Variants in ZC3HAV1 observed in about 807,000 individuals in gnomAD.
ZC3HAV1 encodes the protein zinc finger CCCH-type antiviral protein 1.
Under a neutral mutation model 86.6 loss-of-function variants are expected in ZC3HAV1, and 41 were observed. The observed-to-expected ratio is 0.47, with a 90% CI of 0.37 to 0.61. ZC3HAV1 has a LOEUF of 0.61. Ranked by LOEUF, ZC3HAV1 falls within the 20% of genes least tolerant of loss-of-function variation. The pLI is 0.00. For missense variants in ZC3HAV1, 964 were observed against 1,141.1 expected, an observed-to-expected ratio of 0.84 and a Z score of 2.24; for synonymous variants, 421 against 432.1, an observed-to-expected ratio of 0.97 and a Z score of 0.32.
At chr7:139,092,951 G>A (rs190140952) in intron 1 of ZC3HAV1, among the ~76,000 whole-genome samples, 4 of 152,318 alleles carry the variant, frequency 2.6e-5, no homozygotes, top group African/African-American at 9.6e-5. Flanking sequence ...TCTCCCCAGC[G>A]GCTTCTTAGG....
chr7:139,094,405 C>T (rs1368450160), intron 1 of ZC3HAV1, among the ~76,000 whole-genome samples: 1 of 151,444 alleles, frequency 6.6e-6, no homozygotes, highest in African/African-American at 2.4e-5. Context: ...ATGAATTTCC[C>T]AGGACAAAAC....
chr7:139,075,244 G>A (rs1417424069), intron 6 of ZC3HAV1, among the ~76,000 whole-genome samples: 1 of 151,934 alleles, frequency 6.6e-6, no homozygotes, highest in African/African-American at 2.4e-5. Context: ...GCCCTCTAGT[G>A]GTAAAAATCC....
chr7:139,063,723 CA>C (rs57944873), intron 8 of ZC3HAV1, among the ~76,000 whole-genome samples: 16,489 of 73,892 alleles, frequency 0.22, 1,069 homozygotes, highest in East Asian at 0.44. Flanking sequence ...GACCCTGTCT[CA>C]AAAAAAAAAA....
intron 1 of ZC3HAV1, among the ~76,000 whole-genome samples, chr7:139,094,791 C>T (rs1166700211): frequency 3.3e-5 from 5 of 152,240 alleles, no homozygotes; most frequent in East Asian, 1.9e-4. Context: ...CATCTTACTG[C>T]GGTGGGAGCC....
rs754678448 is a variant in ZC3HAV1, at chr7:139,079,712, T to C, written c.1229A>G (p.Tyr410Cys). The C allele has an allele frequency of 6.2e-7, 1 of 1,614,170 alleles. No homozygotes were observed. The highest frequency in any genetic ancestry group is 8.5e-7 in the Non-Finnish European group (1 of 1,180,024). The change falls in exon 4 of 13, where the codon TAC becomes TGC. Residue 410 changes from tyrosine to cysteine, a missense_variant. Coordinates refer to ENST00000242351, the MANE Select transcript of ZC3HAV1 (RefSeq NM_020119.4). ...RKGTGLLSSD[Y>C]RIINGKSGTQ... is the part of the protein sequence containing the mutation. ...TCCACTTTTGCCATTGATGATCCTGTAGTCTGAGGAAAGCAAGCCTGTGCC... is the reference window on the plus strand; with the variant it reads ...TCCACTTTTGCCATTGATGATCCTGCAGTCTGAGGAAAGCAAGCCTGTGCC...
intron 7 of ZC3HAV1, among the ~76,000 whole-genome samples, chr7:139,073,061 C>T (rs1311561702): frequency 2.6e-5 from 4 of 152,074 alleles, no homozygotes; most frequent in African/African-American, 7.2e-5. Context: ...TTTGGGAGGC[C>T]GAGGTGGGCG....
intron 2 of ZC3HAV1, among the ~76,000 whole-genome samples, chr7:139,089,101 CAAAAAAAAA>C (rs1195760878): frequency 4.8e-5 from 1 of 20,684 alleles, no homozygotes; most frequent in Non-Finnish European, 9.2e-5. Context: ...GACTCCATCT[CAAAAAAAAA>C]AAAAAAAAAA....
At position 139,047,847 on chromosome 7, in the gene ZC3HAV1, T is replaced by C. The variant is rs1454952793; in HGVS notation, c.2456A>G (p.Tyr819Cys). 1.9e-6 allele frequency: 3 copies of C among 1,609,580 alleles called. No homozygotes were observed. The highest frequency in any genetic ancestry group is 1.3e-5 in the African/African-American group (1 of 74,444). Reference protein sequence around the residue: ...THENKYGKGIYFAKDAIYSHK... With the variant: ...THENKYGKGICFAKDAIYSHK... ...GGAATAGATGGCATCTTTTGCAAAGTAAATTCCTAGAAAGAATCAGAAAGA... is the reference window on the plus strand; with the variant it reads ...GGAATAGATGGCATCTTTTGCAAAGCAAATTCCTAGAAAGAATCAGAAAGA... Residue 819 changes from tyrosine (Y) to cysteine (C), a missense_variant, in exon 13 of 13, where the codon TAC (tyrosine) becomes TGC (cysteine). Tyr to Cys is a radical substitution (Grantham distance 194). Coordinates refer to ENST00000242351, the MANE Select transcript of ZC3HAV1 (RefSeq NM_020119.4).
intron 1 of ZC3HAV1, among the ~76,000 whole-genome samples, chr7:139,098,413 G>A (rs1387580234): frequency 6.6e-6 from 1 of 152,136 alleles, no homozygotes; most frequent in African/African-American, 2.4e-5. Flanking sequence ...AACATTCTCT[G>A]CTGATAGGCA....
rs763133395 is a variant in ZC3HAV1, at chr7:139,073,932, G to T, written c.1796C>A (p.Ala599Asp). The part of the protein sequence containing the change: ...LSTPSSVTKP[A>D]NSVFTTKWIW... ...CCATTTGGTGGTGAAGACAGAATTG[G>T]CTGGCTTGGTGACAGAAGAAGGAGT... Residue 599 changes from alanine to aspartate, a missense_variant, in exon 7 of 13, where the codon GCC becomes GAC. Physicochemically the swap from Ala to Asp is moderately radical, Grantham distance 126. Transcript: ENST00000242351. The T allele has an allele frequency of 1.2e-6, 2 of 1,613,874 alleles. No homozygotes were observed. Among genetic ancestry groups the T allele is most frequent in the African/African-American group, 2.7e-5 (2 of 74,936 alleles).
intron 7 of ZC3HAV1, among the ~76,000 whole-genome samples, chr7:139,073,582 C>T (rs979823198): frequency 3.9e-5 from 6 of 152,122 alleles, no homozygotes; most frequent in African/African-American, 1.4e-4. Context: ...CCTCCACCTC[C>T]CGGGTTCAAG....
chr7:139,080,021 C>T lies in ZC3HAV1; in HGVS notation c.920G>A (p.Arg307Gln), dbSNP rs750743161. The change falls in exon 4 of 13, where the codon CGG (arginine) becomes CAG (glutamine). Residue 307 changes from arginine to glutamine, a missense_variant. Arg to Gln is a conservative substitution (Grantham distance 43). Coordinates refer to ENST00000242351, the MANE Select transcript of ZC3HAV1 (RefSeq NM_020119.4). ...AGCCTTGGACGAGCCTGAGGGAGGC[C>T]GAGCGCGATCCTGACTCCCCAGATA... ...FTYLGSQDRA[R>Q]PPSGSSKATD... 6.8e-6 allele frequency: 11 copies of T among 1,614,050 alleles called. No individual in the cohort carries two copies. The highest frequency in any genetic ancestry group is 3.3e-5 in the South Asian group (3 of 91,084).
chr7:139,052,235 C>A (rs111656239), intron 12 of ZC3HAV1, among the ~76,000 whole-genome samples: 1 of 149,554 alleles, frequency 6.7e-6, no homozygotes, highest in African/African-American at 2.5e-5. Context: ...CCCATTAACT[C>A]GTCACGTAGC....
In ZC3HAV1 at chr7:139,054,103, A is replaced by G; in HGVS notation, c.2188-8T>C. 6.4e-7 allele frequency: 1 copy of G among 1,564,068 alleles called. No individual in the cohort carries two copies. The highest frequency in any genetic ancestry group is 8.6e-7 in the Non-Finnish European group (1 of 1,163,886). ...GTGATGGATCTCTGACAACTAATAAAGTTTAAAAATAGATAAATGTGAAAT... is the reference window on the plus strand; with the variant it reads ...GTGATGGATCTCTGACAACTAATAAGGTTTAAAAATAGATAAATGTGAAAT... On this transcript the variant is annotated splice_polypyrimidine_tract_variant and splice_region_variant and intron_variant, in intron 10 of 12. Transcript: ENST00000242351.
intron 8 of ZC3HAV1, among the ~76,000 whole-genome samples, chr7:139,061,609 T>C (rs931340018): frequency 6.6e-6 from 1 of 152,240 alleles, no homozygotes; most frequent in African/African-American, 2.4e-5. Flanking sequence ...TCATAATACA[T>C]TGCTAGTGAG....
chr7:139,087,540 A>T (rs1817306591), intron 2 of ZC3HAV1, among the ~76,000 whole-genome samples: 1 of 152,072 alleles, frequency 6.6e-6, no homozygotes, highest in South Asian at 2.1e-4. Flanking sequence ...AGCAAATGGG[A>T]CATATTTTCC....
chr7:139,104,989 C>T lies in ZC3HAV1; in HGVS notation c.308+4035G>A, dbSNP rs553722428. ...CGGAGGTTGCAGCGAGCTGAGATCA[C>T]GCCACTGCACTCCAGCCTGGGTGAC... On this transcript the variant is annotated intron_variant, in intron 1 of 12. Coordinates refer to ENST00000242351, the MANE Select transcript of ZC3HAV1 (RefSeq NM_020119.4). 8.2e-4 allele frequency among the ~76,000 whole-genome samples: 120 copies of T among 146,424 alleles called. 1 individual carries two copies. Among genetic ancestry groups the T allele is most frequent in the African/African-American group, 2.7e-3 (107 of 39,268 alleles).
Position 139,047,731 on chromosome 7 carries a change from T to C in ZC3HAV1, c.2572A>G (p.Thr858Ala). Reference protein sequence around the residue: ...GKFTEGNITYTSPPPQFDSCV... With the variant: ...GKFTEGNITYASPPPQFDSCV... The stretch of plus-strand genomic sequence containing the variant: ...CTGTCGAACTGTGGAGGAGGGCTCG[T>C]GTACGTTATATTTCCTTCAGTAAAC... The change falls in exon 13 of 13, where the codon ACG (threonine) becomes GCG (alanine). Residue 858 changes from threonine (T) to alanine (A), a missense_variant. By Grantham distance (58) the Thr-to-Ala change is moderately conservative. Transcript: ENST00000242351. 2 of 1,614,210 alleles carry C rather than the reference T, an allele frequency of 1.2e-6. No individual in the cohort carries two copies. The highest frequency in any genetic ancestry group is 4.5e-5 in the East Asian group (2 of 44,878).
chr7:139,061,172 A>T (rs757672988), intron 8 of ZC3HAV1, 34 bp from the exon 9 acceptor site: 5 of 1,597,126 alleles, frequency 3.1e-6, no homozygotes, highest in African/African-American at 1.3e-5. Flanking sequence ...AGCAGTGAGA[A>T]TCAAGATCAG....
Sources: allele counts gnomAD v4.1 joint callset (sites outside exome capture counted in the v4.1 genomes callset), GRCh38; gene constraint gnomAD v4.1.1; transcripts MANE v1.5; gene names NCBI Gene and HGNC (gene_info 2026-07-23, HGNC 2026-07-21).